Variants in CDH13 observed in about 807,000 individuals in gnomAD.
The protein encoded by CDH13 is cadherin-13.
CDH13 carries 24 observed loss-of-function variants against 63.8 expected under a neutral mutation model. The observed-to-expected ratio is 0.38, with a 90% CI of 0.27 to 0.53. The LOEUF (loss-of-function observed/expected upper bound fraction) is 0.53, where lower values mean the gene tolerates loss of function less well. CDH13 is among the 20% of genes least tolerant of loss of function. CDH13 has a pLI of 0.85. For missense variants in CDH13, 1,049 were observed against 903.1 expected (o/e 1.16, Z -2.07); for synonymous variants, 503 against 355.3 (o/e 1.42, Z -4.67).
intron 8 of CDH13, among the ~76,000 whole-genome samples, chr16:83,609,646 C>T (rs999280750): frequency 5.9e-5 from 9 of 152,138 alleles, no homozygotes; most frequent in African/African-American, 1.9e-4. Context: ...TGTCAGGATA[C>T]CTGTTTATTT....
chr16:82,722,097 A>C (rs1314605446), intron 1 of CDH13, among the ~76,000 whole-genome samples: 1 of 152,198 alleles, frequency 6.6e-6, no homozygotes, highest in Non-Finnish European at 1.5e-5. Flanking sequence ...AGAGTATAGA[A>C]TAAACTTTTT....
chr16:83,303,184 GCTTCC>G, intron 5 of CDH13, among the ~76,000 whole-genome samples: 1 of 152,346 alleles, frequency 6.6e-6, no homozygotes, highest in Admixed American at 6.5e-5. Flanking sequence ...CCAAGGGAAA[GCTTCC>G]CCTTCACCTT....
At chr16:82,881,442 G>A (rs1439442130) in intron 2 of CDH13, among the ~76,000 whole-genome samples, 1 of 152,098 alleles carries the variant, frequency 6.6e-6, no homozygotes, top group East Asian at 1.9e-4. Context: ...TGTTCACAAT[G>A]GTCCTGAGTT....
intron 3 of CDH13, among the ~76,000 whole-genome samples, chr16:83,106,379 G>A (rs1306297728): frequency 6.6e-6 from 1 of 151,784 alleles, no homozygotes; most frequent in African/African-American, 2.4e-5. Context: ...CTCTACTAAA[G>A]ATACAAAAAA....
At chr16:83,055,327 T>C (rs1190043127) in intron 3 of CDH13, among the ~76,000 whole-genome samples, 1 of 151,858 alleles carries the variant, frequency 6.6e-6, no homozygotes, top group Non-Finnish European at 1.5e-5. Context: ...TCAATAAAGT[T>C]TGTTCTTTGA....
At chr16:83,733,216 A>T (rs1597144253) in intron 10 of CDH13, among the ~76,000 whole-genome samples, 1 of 152,054 alleles carries the variant, frequency 6.6e-6, no homozygotes, top group Non-Finnish European at 1.5e-5. Flanking sequence ...GATGGAAATA[A>T]CCCTCCAGCT....
chr16:83,559,303 G>T (rs977140947), intron 7 of CDH13, among the ~76,000 whole-genome samples: 3 of 152,162 alleles, frequency 2.0e-5, no homozygotes, highest in Non-Finnish European at 2.9e-5. Flanking sequence ...CAGACATGGT[G>T]GTTCACACCT....
intron 1 of CDH13, among the ~76,000 whole-genome samples, chr16:82,791,670 A>C (rs2036312080): frequency 6.6e-6 from 1 of 152,260 alleles, no homozygotes; most frequent in South Asian, 2.1e-4. Flanking sequence ...CAGGGTGTCC[A>C]CTGTGCTCCT....
chr16:83,433,935 T>C (rs1483442925), intron 6 of CDH13, among the ~76,000 whole-genome samples: 1 of 152,190 alleles, frequency 6.6e-6, no homozygotes, highest in East Asian at 1.9e-4. Context: ...AAGTATTTCC[T>C]TTGCGTTGGG....
intron 11 of CDH13, among the ~76,000 whole-genome samples, chr16:83,751,215 A>T (rs1286099174): frequency 2.0e-5 from 3 of 152,210 alleles, no homozygotes; most frequent in African/African-American, 7.2e-5. Context: ...ATAAGTCATG[A>T]AATCAATCGT....
At chr16:82,696,937 A>G (rs1428303683) in intron 1 of CDH13, among the ~76,000 whole-genome samples, 2 of 152,164 alleles carry the variant, frequency 1.3e-5, no homozygotes, top group African/African-American at 2.4e-5. Context: ...AATAGGCCTC[A>G]GTTCCTTACC....
At chr16:83,320,628 T>C (rs2090202676) in intron 5 of CDH13, among the ~76,000 whole-genome samples, 1 of 152,194 alleles carries the variant, frequency 6.6e-6, no homozygotes, top group Non-Finnish European at 1.5e-5. Context: ...TTTTCCCCCA[T>C]TAAAATATTC....
intron 1 of CDH13, among the ~76,000 whole-genome samples, chr16:82,847,641 G>A (rs1261123831): frequency 1.3e-5 from 2 of 152,166 alleles, no homozygotes; most frequent in Non-Finnish European, 2.9e-5. Context: ...CCTTTGCCAT[G>A]TAATCTAACA....
At chr16:83,438,475 G>A (rs1309413701) in intron 6 of CDH13, among the ~76,000 whole-genome samples, 1 of 152,200 alleles carries the variant, frequency 6.6e-6, no homozygotes, top group Non-Finnish European at 1.5e-5. Flanking sequence ...GGTCACAGTT[G>A]TCTCTTCATA....
Position 82,794,652 on chromosome 16 carries a change from A to G in CDH13, c.46-63710A>G, listed in dbSNP as rs560010531. On this transcript the variant is annotated intron_variant, in intron 1 of 13. Transcript: ENST00000567109. ...CAAACAGAAGCTTAATTTCTCTTTG[A>G]CTGAAATGAATAGTTATGTTGCCAT... Among the ~76,000 whole-genome samples, 103 of 152,302 alleles carry G rather than the reference A, an allele frequency of 6.8e-4. No homozygotes were observed. The Middle Eastern group carries it at 0.017, about 25-fold the overall frequency.
chr16:83,513,899 C>CA (rs2074635324), intron 7 of CDH13, among the ~76,000 whole-genome samples: 1 of 152,036 alleles, frequency 6.6e-6, no homozygotes, highest in Non-Finnish European at 1.5e-5. Context: ...AAAACATAGA[C>CA]AAAAATTATA....
chr16:82,838,530 A>G (rs2151127256), intron 1 of CDH13, among the ~76,000 whole-genome samples: 1 of 152,314 alleles, frequency 6.6e-6, no homozygotes, highest in South Asian at 2.1e-4. Flanking sequence ...CTTACAGGGA[A>G]ATTCACCAAA....
intron 2 of CDH13, among the ~76,000 whole-genome samples, chr16:82,887,731 G>T (rs1047394538): frequency 6.6e-6 from 1 of 152,172 alleles, no homozygotes; most frequent in African/African-American, 2.4e-5. Flanking sequence ...TGAGGCAGGA[G>T]AATTGCTTGA....
chr16:83,355,458 C>T (rs1417095418), intron 6 of CDH13, among the ~76,000 whole-genome samples: 1 of 152,198 alleles, frequency 6.6e-6, no homozygotes, highest in East Asian at 1.9e-4. Flanking sequence ...CCTTCAACTT[C>T]CAACATTTAG....
Sources: gnomAD v4.1 joint callset for allele counts (sites outside exome capture counted in the v4.1 genomes callset) on GRCh38, gnomAD v4.1.1 for gene constraint, MANE v1.5 for transcripts, NCBI Gene and HGNC (gene_info 2026-07-23, HGNC 2026-07-21) for gene names.